Variants in ZNF81 observed in about 807,000 individuals in gnomAD.
The protein encoded by ZNF81 is zinc finger protein 81 (HFZ20).
Under a neutral mutation model 32.3 loss-of-function variants are expected in ZNF81, and 5 were observed. The observed-to-expected ratio is 0.15, with a 90% CI of 0.08 to 0.33. The LOEUF (loss-of-function observed/expected upper bound fraction) is 0.33. Among genes scored for constraint, ZNF81 ranks in the 10% least tolerant of loss-of-function variants. The pLI, the probability that ZNF81 is intolerant of heterozygous loss-of-function variation, is 1.00. For synonymous variants in ZNF81, 163 were observed against 166.8 expected, an observed-to-expected ratio of 0.98 and a Z score of 0.17; for missense variants, 379 against 479.8, an observed-to-expected ratio of 0.79 and a Z score of 1.96.
intron 2 of ZNF81, among the ~76,000 whole-genome samples, chrX:47,853,014 A>AT (rs1457860070): frequency 8.9e-6 from 1 of 112,285 alleles, no homozygotes; most frequent in African/African-American, 3.2e-5. Flanking sequence ...ATCTCCTTGT[A>AT]TATCTCCATC....
chrX:47,923,830 T>C lies in ZNF81; in HGVS notation c.*7198T>C, dbSNP rs1556892332. 8.9e-6 allele frequency among the ~76,000 whole-genome samples: 1 copy of C among 111,829 alleles called. No homozygotes were observed. The highest frequency in any genetic ancestry group is 1.9e-5 in the Non-Finnish European group (1 of 53,163). On this transcript the variant is annotated 3_prime_UTR_variant, in exon 5 of 5. Transcript: ENST00000338637. ...ACTATTGCTGTGAAAGTCTTTGAAATTAGAGACAGTGAAGGACAGATGCAG... is the reference window on the plus strand; with the variant it reads ...ACTATTGCTGTGAAAGTCTTTGAAACTAGAGACAGTGAAGGACAGATGCAG...
intron 2 of ZNF81, among the ~76,000 whole-genome samples, chrX:47,850,121 C>T (rs1362313948): frequency 9.0e-6 from 1 of 111,122 alleles, no homozygotes; most frequent in Non-Finnish European, 1.9e-5. Flanking sequence ...AAACACCCAC[C>T]AGAAATCCTT....
chrX:47,888,216 G>A (rs1336021797), intron 3 of ZNF81, 91 bp downstream of exon 3: 2 of 1,101,961 alleles, frequency 1.8e-6, no homozygotes, highest in Admixed American at 2.6e-5. Context: ...TAATACCCCA[G>A]CCCCCCAGAA....
chrX:47,904,260 C>G (rs1233791268), intron 4 of ZNF81, among the ~76,000 whole-genome samples: 2 of 110,009 alleles, frequency 1.8e-5, no homozygotes, highest in Admixed American at 9.7e-5. Flanking sequence ...AAGAAACTAC[C>G]ATGAGTGAAC....
chrX:47,892,614 C>T (rs935671073), intron 3 of ZNF81, among the ~76,000 whole-genome samples: 1 of 112,192 alleles, frequency 8.9e-6, no homozygotes, highest in Non-Finnish European at 1.9e-5. Context: ...CTTTCTAACC[C>T]CTCCAGCAGC....
At chrX:47,858,132 A>G (rs923434058) in intron 2 of ZNF81, among the ~76,000 whole-genome samples, 10 of 112,122 alleles carry the variant, frequency 8.9e-5, no homozygotes, top group African/African-American at 3.2e-4. Flanking sequence ...GAATCCATCA[A>G]TTCCTTTAAA....
chrX:47,900,702 C>T (rs1160490881), intron 4 of ZNF81, among the ~76,000 whole-genome samples: 1 of 111,280 alleles, frequency 9.0e-6, no homozygotes, highest in African/African-American at 3.3e-5. Flanking sequence ...TCACAGCAGG[C>T]AATTAACTAG....
In ZNF81 at chrX:47,915,961, G is replaced by C. The variant is rs781979419; in HGVS notation, c.1315G>C (p.Glu439Gln). 6.6e-6 allele frequency: 8 copies of C among 1,209,423 alleles called. No individual in the cohort carries two copies. In the East Asian group the frequency reaches 2.1e-4, roughly 31 times the overall value. The change falls in exon 5 of 5, where the codon GAG (glutamate) becomes CAG (glutamine). Residue 439 changes from glutamate (E) to glutamine (Q), a missense_variant. Glu to Gln is a conservative substitution (Grantham distance 29). Transcript: ENST00000338637. The part of the protein sequence containing the change: ...LRMHQRIHTG[E>Q]RSYICTQCGQ... ...GATGCATCAGAGAATTCATACAGGA[G>C]AGAGGTCCTATATCTGTACTCAATG... is the stretch of plus-strand genomic sequence containing the variant.
At chrX:47,914,674 C>A (rs782739840) in intron 4 of ZNF81, among the ~76,000 whole-genome samples, 9 of 111,436 alleles carry the variant, frequency 8.1e-5, no homozygotes, top group Non-Finnish European at 1.7e-4. Flanking sequence ...CTAATGACAG[C>A]TTTCTCAGAC....
chrX:47,900,207 TTAAAGC>T (rs2058693695), intron 4 of ZNF81, among the ~76,000 whole-genome samples: 1 of 111,498 alleles, frequency 9.0e-6, no homozygotes, highest in Non-Finnish European at 1.9e-5. Flanking sequence ...AAGATTTACT[TTAAAGC>T]TATAGCAATC....
At chrX:47,850,886 C>T (rs1173793914) in intron 2 of ZNF81, among the ~76,000 whole-genome samples, 2 of 26,253 alleles carry the variant, frequency 7.6e-5, no homozygotes, top group Non-Finnish European at 1.0e-4. Context: ...TTCACAGGCA[C>T]GCGCGCACAC....
rs782150017 is a variant in ZNF81 at position 47,895,911 on chromosome X, A to G, written c.248A>G (p.Glu83Gly). The change falls in exon 4 of 5, where the codon GAA becomes GGA. Residue 83 changes from glutamate (E) to glycine (G), a missense_variant. Glu to Gly is a moderately conservative substitution (Grantham distance 98, BLOSUM62 -2). Around this residue, in one of 2 missense-constraint regions of ZNF81, gnomAD observed 277 missense variants for 306.6 expected, o/e 0.90. Coordinates refer to ENST00000338637, the MANE Select transcript of ZNF81 (RefSeq NM_007137.5). ...LEQGEGPWTLEGEAPHQSCSD... is the reference protein window; with the variant it reads ...LEQGEGPWTLGGEAPHQSCSD... Reference sequence around the variant, plus strand: ...CAAGGAGAGGGGCCATGGACATTGGAAGGGGAAGCCCCACATCAGAGCTGT... The same window carrying G: ...CAAGGAGAGGGGCCATGGACATTGGGAGGGGAAGCCCCACATCAGAGCTGT... 53 of 1,208,535 alleles carry G rather than the reference A, an allele frequency of 4.4e-5. No individual in the cohort carries two copies. In the Admixed American group the frequency reaches 1.1e-3, roughly 26 times the overall value.
chrX:47,846,812 T>C (rs781790939), intron 2 of ZNF81, among the ~76,000 whole-genome samples: 4 of 112,023 alleles, frequency 3.6e-5, no homozygotes, highest in Non-Finnish European at 5.6e-5. Flanking sequence ...CTATGGAAGA[T>C]AGAGATTGAG....
Position 47,854,826 on chromosome X carries a change from C to T in ZNF81, c.54+8505C>T, listed in dbSNP as rs368755312. Among the ~76,000 whole-genome samples the T allele has an allele frequency of 5.2e-4, 58 of 111,753 alleles. No homozygotes were observed. The East Asian group carries it at 6.8e-3, about 13-fold the overall frequency. On this transcript the variant is annotated intron_variant, in intron 2 of 4. Coordinates refer to ENST00000338637, the MANE Select transcript of ZNF81 (RefSeq NM_007137.5). Reference sequence around the variant, plus strand: ...AGATATAATAATAGGCCGGGCGCGGCGGCTCACGCCTGTAATCTCAGCACT... The same window carrying T: ...AGATATAATAATAGGCCGGGCGCGGTGGCTCACGCCTGTAATCTCAGCACT...
chrX:47,889,542 A>C (rs1191399428), intron 3 of ZNF81, among the ~76,000 whole-genome samples: 1 of 112,234 alleles, frequency 8.9e-6, no homozygotes, highest in African/African-American at 3.2e-5. Context: ...GGGCAGGGCC[A>C]AGGTTGCAGG....
In ZNF81 at chrX:47,917,202, T is replaced by G; in HGVS notation, c.*570T>G. ...GAATATGTCTATCAAATATGTTTCT[T>G]ATTGAATATTTCTATCAAGTGAATC... On this transcript the variant is annotated 3_prime_UTR_variant, in exon 5 of 5. Transcript: ENST00000338637. The G allele has an allele frequency of 3.4e-6, 1 of 295,855 alleles. No individual in the cohort carries two copies. Among genetic ancestry groups the G allele is most frequent in the Non-Finnish European group, 5.9e-6 (1 of 169,063 alleles). The allele number at this position is 295,855 out of a possible 1,213,427, so 24.4% of individuals were successfully genotyped here.
At chrX:47,904,837 G>T (rs782086901) in intron 4 of ZNF81, among the ~76,000 whole-genome samples, 1,270 of 111,793 alleles carry the variant, frequency 0.011, 9 homozygotes, top group Middle Eastern at 0.037. Flanking sequence ...CGATAGACTG[G>T]ATTAAGAAAA....
chrX:47,846,439 C>T (rs781933544), intron 2 of ZNF81, 118 bp downstream of exon 2: 241 of 843,816 alleles, frequency 2.9e-4, no homozygotes, highest in Non-Finnish European at 3.8e-4. Context: ...AATTTCCCCC[C>T]ACCCTCATTT....
In ZNF81 at chrX:47,915,784, C is replaced by G; in HGVS notation, c.1138C>G (p.His380Asp). Residue 380 changes from histidine to aspartate, a missense_variant, in exon 5 of 5, where the codon CAT (histidine) becomes GAT (aspartate). Transcript: ENST00000338637. Reference protein sequence around the residue: ...VSSLLRHQTTHTGEKLFECSE... With the variant: ...VSSLLRHQTTDTGEKLFECSE... ...ATCTCTACTCAGGCATCAGACAACT[C>G]ATACTGGAGAAAAACTCTTTGAATG... 14 of 1,211,569 alleles carry G rather than the reference C, an allele frequency of 1.2e-5. No individual in the cohort carries two copies. Among genetic ancestry groups the G allele is most frequent in the Non-Finnish European group, 1.6e-5 (14 of 895,509 alleles).
Sources: allele counts gnomAD v4.1 joint callset (sites outside exome capture counted in the v4.1 genomes callset), GRCh38; gene constraint gnomAD v4.1.1; regional missense constraint gnomAD v4.1.1; transcripts MANE v1.5; gene names NCBI Gene and HGNC (gene_info 2026-07-23, HGNC 2026-07-21).